Variants in PPP3CA observed in about 807,000 individuals in gnomAD.
The protein encoded by PPP3CA is CAM-PRP catalytic subunit.
A neutral mutation model predicts 66.5 loss-of-function variants in PPP3CA; 14 were observed. The observed-to-expected ratio is 0.21, with a 90% CI of 0.14 to 0.33. The LOEUF (loss-of-function observed/expected upper bound fraction) is 0.33, where lower values mean the gene tolerates loss of function less well. Ranked by LOEUF, PPP3CA falls within the 10% of genes least tolerant of loss-of-function variation. The pLI is 1.00. For synonymous variants in PPP3CA, 232 were observed against 226.2 expected, an observed-to-expected ratio of 1.03 and a Z score of -0.23; for missense variants, 317 against 639.5, an observed-to-expected ratio of 0.50 and a Z score of 5.44.
chr4:101,299,115 T>G (rs1481342748), intron 1 of PPP3CA, among the ~76,000 whole-genome samples: 4 of 143,254 alleles, frequency 2.8e-5, no homozygotes, highest in East Asian at 2.0e-4. Flanking sequence ...CGTTTTTTTT[T>G]TTTTTTTTTT....
chr4:101,052,454 A>AT (rs1034928097), intron 10 of PPP3CA, among the ~76,000 whole-genome samples: 17 of 152,018 alleles, frequency 1.1e-4, no homozygotes, highest in African/African-American at 4.1e-4. Flanking sequence ...AGTTTTCTGT[A>AT]TTTTATAAAG....
At chr4:101,112,953 A>G (rs565262685) in intron 2 of PPP3CA, among the ~76,000 whole-genome samples, 4 of 152,194 alleles carry the variant, frequency 2.6e-5, no homozygotes, top group Admixed American at 6.6e-5. Context: ...GGATTATTCT[A>G]TTGGGCCTAC....
intron 1 of PPP3CA, among the ~76,000 whole-genome samples, chr4:101,333,284 T>G (rs1457243088): frequency 2.9e-5 from 3 of 102,882 alleles, no homozygotes; most frequent in Admixed American, 9.0e-5. Context: ...TTTTTTTTTT[T>G]TTTTTTTTTT....
chr4:101,328,990 C>G (rs1729289458), intron 1 of PPP3CA, among the ~76,000 whole-genome samples: 2 of 151,402 alleles, frequency 1.3e-5, no homozygotes, highest in East Asian at 1.9e-4. Flanking sequence ...ATTAATAACC[C>G]TAAAATGGTC....
intron 2 of PPP3CA, among the ~76,000 whole-genome samples, chr4:101,132,452 T>C (rs1722476308): frequency 6.6e-6 from 1 of 152,066 alleles, no homozygotes; most frequent in Admixed American, 6.5e-5. Context: ...AAAACTACCA[T>C]CAGAGAATAC....
At chr4:101,256,617 T>G (rs1486072830) in intron 1 of PPP3CA, among the ~76,000 whole-genome samples, 1 of 151,972 alleles carries the variant, frequency 6.6e-6, no homozygotes, top group Non-Finnish European at 1.5e-5. Flanking sequence ...TATTAAGAAG[T>G]CTGATGAAGT....
chr4:101,264,126 A>G (rs1367080170), intron 1 of PPP3CA, among the ~76,000 whole-genome samples: 2 of 152,234 alleles, frequency 1.3e-5, no homozygotes, highest in African/African-American at 4.8e-5. Flanking sequence ...ATAAAAAGTA[A>G]TATGTCTTCA....
At chr4:101,176,217 CA>C (rs1467702968) in intron 2 of PPP3CA, among the ~76,000 whole-genome samples, 1 of 152,128 alleles carries the variant, frequency 6.6e-6, no homozygotes, top group Non-Finnish European at 1.5e-5. Flanking sequence ...ATGTGATCTA[CA>C]GGGTTTTTGT....
At chr4:101,342,939 C>G (rs191377410) in intron 1 of PPP3CA, among the ~76,000 whole-genome samples, 4 of 152,264 alleles carry the variant, frequency 2.6e-5, no homozygotes, top group Admixed American at 6.5e-5. Flanking sequence ...CATCTTCTTG[C>G]TTCTATGATC....
intron 1 of PPP3CA, among the ~76,000 whole-genome samples, chr4:101,198,710 C>G (rs963377640): frequency 6.6e-6 from 1 of 152,120 alleles, no homozygotes; most frequent in African/African-American, 2.4e-5. Context: ...GAGTGCCTCA[C>G]CTTCATGAAT....
At chr4:101,307,939 C>T (rs1438378309) in intron 1 of PPP3CA, among the ~76,000 whole-genome samples, 1 of 152,140 alleles carries the variant, frequency 6.6e-6, no homozygotes, top group Non-Finnish European at 1.5e-5. Context: ...CGATTTGAAT[C>T]CTTATTGTAA....
At chr4:101,268,394 C>T (rs190679922) in intron 1 of PPP3CA, among the ~76,000 whole-genome samples, 384 of 152,174 alleles carry the variant, frequency 2.5e-3, no homozygotes, top group Non-Finnish European at 3.7e-3. Flanking sequence ...CACAGTAATT[C>T]GTAGGCCTTC....
chr4:101,219,698 T>C (rs540077223), intron 1 of PPP3CA, among the ~76,000 whole-genome samples: 3 of 151,970 alleles, frequency 2.0e-5, no homozygotes, highest in African/African-American at 7.2e-5. Flanking sequence ...AAAATGAATA[T>C]TTTGAAACAC....
chr4:101,333,103 C>CTTT (rs66790132), intron 1 of PPP3CA, among the ~76,000 whole-genome samples: 3 of 88,278 alleles, frequency 3.4e-5, no homozygotes, highest in African/African-American at 4.4e-5. Context: ...CATCTTCTTT[C>CTTT]TTTTTTTTTT....
chr4:101,238,461 A>T (rs993901392), intron 1 of PPP3CA, among the ~76,000 whole-genome samples: 7 of 152,000 alleles, frequency 4.6e-5, no homozygotes, highest in Non-Finnish European at 1.0e-4. Context: ...TCTTTAGAAT[A>T]ACATTATCTT....
intron 2 of PPP3CA, among the ~76,000 whole-genome samples, chr4:101,153,570 C>T (rs544566511): frequency 4.2e-4 from 64 of 152,104 alleles, no homozygotes; most frequent in Non-Finnish European, 5.6e-4. Flanking sequence ...CAAAGAATCA[C>T]GTCAACAAAG....
chr4:101,214,762 T>C (rs574318167), intron 1 of PPP3CA, among the ~76,000 whole-genome samples: 17 of 152,242 alleles, frequency 1.1e-4, no homozygotes, highest in Admixed American at 2.6e-4. Flanking sequence ...CTCACTGAAA[T>C]AATCAGTGAT....
rs1553942020 is a variant in PPP3CA at position 101,324,215 on chromosome 4, A to AGGAAGGAAAGGAG, written c.58+22511_58+22523dup. On this transcript the variant is annotated intron_variant, in intron 1 of 13. Coordinates refer to ENST00000394854, the MANE Select transcript of PPP3CA (RefSeq NM_000944.5). ...AAGGAAGGAAGGAAGGAAGGAAGGA[A>AGGAAGGAAAGGAG]GGAAGGAAAGGAGGGAAGGGAGGGA... 2.0e-3 allele frequency among the ~76,000 whole-genome samples: 283 copies of AGGAAGGAAAGGAG among 139,898 alleles called. 2 individuals are homozygous for AGGAAGGAAAGGAG. The highest frequency in any genetic ancestry group is 3.8e-3 in the Non-Finnish European group (240 of 63,904). The allele number at this position is 139,898 out of a possible 152,430, so 91.8% of individuals were successfully genotyped here.
chr4:101,099,938 G>T lies in PPP3CA; in HGVS notation c.385-216C>A, dbSNP rs577367192. ...ATCTACACCTAAAACATACATACAC[G>T]CACTGAGGATCATATACCACAAGAA... On this transcript the variant is annotated intron_variant, in intron 3 of 13. Coordinates refer to ENST00000394854, the MANE Select transcript of PPP3CA (RefSeq NM_000944.5). Among the ~76,000 whole-genome samples the T allele has an allele frequency of 1.1e-4, 17 of 151,740 alleles. No individual in the cohort carries two copies. In the South Asian group the frequency reaches 3.5e-3, roughly 32 times the overall value.
Sources: gnomAD v4.1 joint callset for allele counts (sites outside exome capture counted in the v4.1 genomes callset) on GRCh38, gnomAD v4.1.1 for gene constraint, MANE v1.5 for transcripts, NCBI Gene and HGNC (gene_info 2026-07-23, HGNC 2026-07-21) for gene names.